The following ARHGAP31 variants were observed in gnomAD, a reference collection of about 807,000 sequenced individuals.
The protein encoded by ARHGAP31 is rho GTPase-activating protein 31.
A neutral mutation model predicts 113.9 loss-of-function variants in ARHGAP31; 34 were observed. The observed-to-expected ratio is 0.30, with a 90% CI of 0.23 to 0.40. ARHGAP31 has a LOEUF of 0.40. Ranked by LOEUF, ARHGAP31 falls within the 10% of genes least tolerant of loss-of-function variation. The probability of loss-of-function intolerance (pLI) is 1.00; values close to 1 mark genes in which losing one functional copy is unlikely to be tolerated. For synonymous variants in ARHGAP31, 650 were observed against 684.8 expected (o/e 0.95, Z 0.79); for missense variants, 1,548 against 1,767.1 (o/e 0.88, Z 2.22).
intron 9 of ARHGAP31, among the ~76,000 whole-genome samples, chr3:119,400,065 G>T (rs887858984): frequency 1.3e-5 from 2 of 152,146 alleles, no homozygotes; most frequent in Non-Finnish European, 2.9e-5. Flanking sequence ...TTTAATACAA[G>T]ACATTTTTCT....
chr3:119,384,353 C>G (rs528120522), intron 6 of ARHGAP31, among the ~76,000 whole-genome samples: 1 of 152,262 alleles, frequency 6.6e-6, no homozygotes, highest in Non-Finnish European at 1.5e-5. Flanking sequence ...CAACCATTAC[C>G]GCTGTCTAAT....
intron 6 of ARHGAP31, among the ~76,000 whole-genome samples, chr3:119,390,325 C>A (rs1389136553): frequency 6.6e-6 from 1 of 152,204 alleles, no homozygotes; most frequent in African/African-American, 2.4e-5. Context: ...GGCCTTGGAG[C>A]ATGTGCTGTC....
At chr3:119,334,323 G>A (rs2079922843) in intron 1 of ARHGAP31, among the ~76,000 whole-genome samples, 2 of 152,178 alleles carry the variant, frequency 1.3e-5, no homozygotes, top group Admixed American at 6.5e-5. Context: ...GACTGCTGGT[G>A]CCTTTGGCTG....
intron 1 of ARHGAP31, among the ~76,000 whole-genome samples, chr3:119,358,569 C>T (rs1358333714): frequency 6.6e-6 from 1 of 152,042 alleles, no homozygotes; most frequent in African/African-American, 2.4e-5. Context: ...AACAATATTC[C>T]TAATAGCAAA....
chr3:119,381,659 C>G (rs1471095326), intron 4 of ARHGAP31, among the ~76,000 whole-genome samples: 1 of 152,174 alleles, frequency 6.6e-6, no homozygotes, highest in Non-Finnish European at 1.5e-5. Flanking sequence ...GGAGGCCATC[C>G]TGCCCTGGTT....
intron 1 of ARHGAP31, among the ~76,000 whole-genome samples, chr3:119,358,641 T>A (rs541253408): frequency 6.6e-6 from 1 of 152,218 alleles, no homozygotes; most frequent in Non-Finnish European, 1.5e-5. Flanking sequence ...AAGGCTTTAT[T>A]TGGAATTTTA....
chr3:119,367,297 TCTCAAAAAG>T (rs1463735649), intron 2 of ARHGAP31, among the ~76,000 whole-genome samples: 1 of 152,198 alleles, frequency 6.6e-6, no homozygotes, highest in East Asian at 1.9e-4. Context: ...AAGTGAATAC[TCTCAAAAAG>T]CTTAACTTCT....
At chr3:119,398,839 G>C (rs749932828) in intron 8 of ARHGAP31, among the ~76,000 whole-genome samples, 16 of 152,140 alleles carry the variant, frequency 1.1e-4, no homozygotes, top group Admixed American at 3.3e-4. Context: ...TGAATACGAA[G>C]AATGCCCTGG....
rs1172769743 is a variant in ARHGAP31, at chr3:119,345,335, C to T, written c.101-19981C>T. ...TTAGAGATGTGTATTTAAGTGAAAG[C>T]GAGCACAATCCGTAACTACACAGAG... On this transcript the variant is annotated intron_variant, in intron 1 of 11. Transcript: ENST00000264245. 3.3e-5 allele frequency among the ~76,000 whole-genome samples: 5 copies of T among 152,190 alleles called. No individual in the cohort carries two copies. The East Asian group carries it at 7.7e-4, about 24-fold the overall frequency.
At chr3:119,323,405 C>T (rs1576993766) in intron 1 of ARHGAP31, among the ~76,000 whole-genome samples, 1 of 152,240 alleles carries the variant, frequency 6.6e-6, no homozygotes, top group Admixed American at 6.5e-5. Flanking sequence ...GCCCAGACCC[C>T]GCGGGTAGAG....
intron 3 of ARHGAP31, among the ~76,000 whole-genome samples, chr3:119,375,410 G>A (rs2080337894): frequency 6.6e-6 from 1 of 152,140 alleles, no homozygotes; most frequent in African/African-American, 2.4e-5. Flanking sequence ...TCTTCTGTCT[G>A]TGTCAGATCT....
intron 1 of ARHGAP31, among the ~76,000 whole-genome samples, chr3:119,309,475 T>C (rs2079658991): frequency 6.6e-6 from 1 of 151,860 alleles, no homozygotes; most frequent in African/African-American, 2.4e-5. Context: ...AAAATAGAGG[T>C]TGGGTGCAGT....
At chr3:119,344,950 G>A (rs1401434904) in intron 1 of ARHGAP31, among the ~76,000 whole-genome samples, 3 of 137,220 alleles carry the variant, frequency 2.2e-5, no homozygotes, top group Non-Finnish European at 4.5e-5. Context: ...TTCACTGCTG[G>A]TGGGATTTTT....
At chr3:119,378,730 T>C (rs2080370660) in intron 3 of ARHGAP31, among the ~76,000 whole-genome samples, 2 of 152,020 alleles carry the variant, frequency 1.3e-5, no homozygotes, top group African/African-American at 4.8e-5. Context: ...CTCCCCATTG[T>C]GAGGTTCTCA....
At chr3:119,405,762 TC>T (rs1281398278) in intron 10 of ARHGAP31, among the ~76,000 whole-genome samples, 1 of 152,200 alleles carries the variant, frequency 6.6e-6, no homozygotes, top group Non-Finnish European at 1.5e-5. Flanking sequence ...ACAATGCCCT[TC>T]CCTTTTGAGC....
intron 3 of ARHGAP31, among the ~76,000 whole-genome samples, chr3:119,369,049 G>A (rs1333353762): frequency 1.3e-5 from 2 of 152,342 alleles, no homozygotes; most frequent in East Asian, 1.9e-4. Context: ...AGCAGGATAG[G>A]CAGTGAGTTG....
chr3:119,358,010 A>G (rs184369298), intron 1 of ARHGAP31, among the ~76,000 whole-genome samples: 4 of 152,252 alleles, frequency 2.6e-5, no homozygotes, highest in South Asian at 2.1e-4. Flanking sequence ...AAAGAAAAAC[A>G]TAGATAAATT....
In ARHGAP31 at chr3:119,417,171, T is replaced by C. The variant is rs960633729; in HGVS notation, c.*907T>C. On this transcript the variant is annotated 3_prime_UTR_variant, in exon 12 of 12. Coordinates refer to ENST00000264245, the MANE Select transcript of ARHGAP31 (RefSeq NM_020754.4). ...AGAGTCCAAGAACAGGATGTCACCA[T>C]AGATAAAAGCCTCATACAAAGGCAG... 3 of 152,208 alleles carry C rather than the reference T, an allele frequency of 2.0e-5. No homozygotes were observed. Among genetic ancestry groups the C allele is most frequent in the Non-Finnish European group, 4.4e-5 (3 of 68,040 alleles). The allele number at this position is 152,208 out of a possible 1,614,324, so 9.4% of individuals were successfully genotyped here. A position where few individuals can be genotyped will look rare whatever the true frequency, so the allele number is the denominator to read the frequency against.
chr3:119,360,378 C>A (rs2080195048), intron 1 of ARHGAP31, among the ~76,000 whole-genome samples: 1 of 152,154 alleles, frequency 6.6e-6, no homozygotes, highest in Admixed American at 6.5e-5. Context: ...TGCCTGTTTC[C>A]CTAAAACACA....
Sources: allele counts gnomAD v4.1 joint callset (sites outside exome capture counted in the v4.1 genomes callset), GRCh38; gene constraint gnomAD v4.1.1; transcripts MANE v1.5; gene names NCBI Gene and HGNC (gene_info 2026-07-23, HGNC 2026-07-21).